The following SLC35F3 variants were observed in gnomAD, a reference collection of about 807,000 sequenced individuals.
SLC35F3 encodes solute carrier family 35 member F3, also known as putative thiamine transporter SLC35F3.
A neutral mutation model predicts 49.9 loss-of-function variants in SLC35F3; 25 were observed. The ratio of observed to expected loss-of-function variants is 0.50; its 90% CI spans 0.37 to 0.70. SLC35F3 has a LOEUF of 0.70. SLC35F3 is among the 30% of genes least tolerant of loss of function. The pLI, the probability that SLC35F3 is intolerant of heterozygous loss-of-function variation, is 0.00. For missense variants in SLC35F3, 525 were observed against 639.8 expected, an observed-to-expected ratio of 0.82 and a Z score of 1.94; for synonymous variants, 275 against 265.4, an observed-to-expected ratio of 1.04 and a Z score of -0.35.
At chr1:234,183,324 C>A (rs1024800054) in intron 2 of SLC35F3, among the ~76,000 whole-genome samples, 1 of 143,090 alleles carries the variant, frequency 7.0e-6, no homozygotes, top group Non-Finnish European at 1.5e-5. Context: ...GCCAGATTTT[C>A]TTAATGATAC....
At chr1:234,102,753 C>G (rs1416801005) in intron 2 of SLC35F3, among the ~76,000 whole-genome samples, 1 of 152,222 alleles carries the variant, frequency 6.6e-6, no homozygotes, top group Non-Finnish European at 1.5e-5. Context: ...GCACAAGAGT[C>G]TAGCTGCCCA....
chr1:234,287,115 C>T (rs2102983869), intron 3 of SLC35F3, among the ~76,000 whole-genome samples: 1 of 152,270 alleles, frequency 6.6e-6, no homozygotes, highest in Non-Finnish European at 1.5e-5. Context: ...AGGAAGATCA[C>T]GTGAGCCTGG....
intron 3 of SLC35F3, among the ~76,000 whole-genome samples, chr1:234,233,757 G>A (rs1191678727): frequency 6.6e-6 from 1 of 152,216 alleles, no homozygotes; most frequent in Non-Finnish European, 1.5e-5. Context: ...GTAAAAGAGG[G>A]AGGATAATCC....
intron 3 of SLC35F3, among the ~76,000 whole-genome samples, chr1:234,284,025 C>A (rs114750645): frequency 0.022 from 3,361 of 152,258 alleles, 100 homozygotes; most frequent in African/African-American, 0.066. Context: ...TCCTCCTCAG[C>A]ACCAGGAGTA....
chr1:234,287,224 G>A (rs900794272), intron 3 of SLC35F3, among the ~76,000 whole-genome samples: 2 of 151,938 alleles, frequency 1.3e-5, no homozygotes, highest in South Asian at 2.1e-4. Context: ...AATTTAAAAA[G>A]CAACTAATGT....
At chr1:233,905,845 G>T (rs1034360234) in intron 2 of SLC35F3, 87 bp downstream of exon 2, 5 of 1,268,506 alleles carry the variant, frequency 3.9e-6, no homozygotes, top group Non-Finnish European at 5.5e-6. Flanking sequence ...ACGCAGTGAG[G>T]CGTCCAGCCA....
intron 2 of SLC35F3, among the ~76,000 whole-genome samples, chr1:233,983,995 G>T (rs945835426): frequency 6.6e-6 from 1 of 152,168 alleles, no homozygotes; most frequent in Non-Finnish European, 1.5e-5. Context: ...CATTTGATTT[G>T]CTAGTCACTG....
chr1:234,068,823 T>TTATATA (rs10645395), intron 2 of SLC35F3, among the ~76,000 whole-genome samples: 1,530 of 71,108 alleles, frequency 0.022, 224 homozygotes, highest in African/African-American at 0.046. Flanking sequence ...ATTTGAGACA[T>TTATATA]TATATATATA....
intron 2 of SLC35F3, among the ~76,000 whole-genome samples, chr1:233,969,521 G>A (rs1662958714): frequency 6.6e-6 from 1 of 152,172 alleles, no homozygotes; most frequent in Non-Finnish European, 1.5e-5. Context: ...CTGCACCTCT[G>A]TTGGGCAGTG....
intron 2 of SLC35F3, among the ~76,000 whole-genome samples, chr1:233,994,829 G>A (rs867740961): frequency 5.3e-5 from 8 of 150,646 alleles, no homozygotes; most frequent in East Asian, 1.9e-4. Flanking sequence ...TAAGTTTTTC[G>A]AGCTCTTAAA....
chr1:234,094,810 G>A (rs1216476408), intron 2 of SLC35F3, among the ~76,000 whole-genome samples: 1 of 152,174 alleles, frequency 6.6e-6, no homozygotes, highest in Non-Finnish European at 1.5e-5. Context: ...GGGCAGAGAT[G>A]GCAGGTGATG....
intron 2 of SLC35F3, among the ~76,000 whole-genome samples, chr1:234,127,080 G>A (rs976337260): frequency 3.3e-5 from 5 of 152,132 alleles, no homozygotes; most frequent in East Asian, 1.9e-4. Context: ...TCTTCTCTCA[G>A]CATAATTCCC....
intron 2 of SLC35F3, among the ~76,000 whole-genome samples, chr1:234,037,537 A>T (rs1301822143): frequency 6.6e-6 from 1 of 152,230 alleles, no homozygotes; most frequent in Non-Finnish European, 1.5e-5. Flanking sequence ...TACTTCATGG[A>T]GGTTACAATC....
chr1:234,037,357 G>C (rs183284448), intron 2 of SLC35F3, among the ~76,000 whole-genome samples: 2 of 152,282 alleles, frequency 1.3e-5, no homozygotes, highest in Admixed American at 6.5e-5. Context: ...CCCGAGAATG[G>C]CACAAAGCTA....
chr1:233,907,400 C>T (rs1471749867), intron 2 of SLC35F3, among the ~76,000 whole-genome samples: 2 of 152,170 alleles, frequency 1.3e-5, no homozygotes, highest in African/African-American at 4.8e-5. Flanking sequence ...GTAATTAAGA[C>T]AAGAGAAGGG....
At chr1:234,274,789 G>T (rs552502472) in intron 3 of SLC35F3, among the ~76,000 whole-genome samples, 2 of 152,162 alleles carry the variant, frequency 1.3e-5, no homozygotes, top group Non-Finnish European at 2.9e-5. Flanking sequence ...CTTCAATGTT[G>T]TATACAAAAG....
intron 2 of SLC35F3, among the ~76,000 whole-genome samples, chr1:234,217,886 G>T (rs1667146557): frequency 1.3e-5 from 2 of 152,106 alleles, no homozygotes; most frequent in African/African-American, 4.8e-5. Context: ...CTAAGGAGGG[G>T]GCCTTCCTGA....
At chr1:234,146,017 T>G (rs1369551677) in intron 2 of SLC35F3, among the ~76,000 whole-genome samples, 1 of 152,218 alleles carries the variant, frequency 6.6e-6, no homozygotes, top group Non-Finnish European at 1.5e-5. Context: ...ATTTTTGTTT[T>G]AATTGAACCT....
chr1:234,141,277 G>T (rs1665910046), intron 2 of SLC35F3, among the ~76,000 whole-genome samples: 1 of 152,086 alleles, frequency 6.6e-6, no homozygotes, highest in Non-Finnish European at 1.5e-5. Context: ...TAGCTTCTTG[G>T]AATGTTCAGT....
Sources: gnomAD v4.1 joint callset for allele counts (sites outside exome capture counted in the v4.1 genomes callset) on GRCh38, gnomAD v4.1.1 for gene constraint, MANE v1.5 for transcripts, NCBI Gene and HGNC (gene_info 2026-07-23, HGNC 2026-07-21) for gene names.